TDO2: variants seen among roughly 807,000 people sequenced by gnomAD.
The protein encoded by TDO2 is tryptamin 2,3-dioxygenase.
Under a neutral mutation model 61.2 loss-of-function variants are expected in TDO2, and 63 were observed. The ratio of observed to expected loss-of-function variants is 1.03; its 90% CI spans 0.84 to 1.27. The LOEUF is 1.27. Ranked by LOEUF, TDO2 falls within the 50% of genes most tolerant of loss-of-function variation. The pLI is 0.00. For synonymous variants in TDO2, 183 were observed against 164.0 expected, an observed-to-expected ratio of 1.12 and a Z score of -0.89; for missense variants, 494 against 469.5, an observed-to-expected ratio of 1.05 and a Z score of -0.48.
Position 155,911,482 on chromosome 4 carries a change from T to C in TDO2, c.619-15T>C. The C allele has an allele frequency of 6.3e-7, 1 of 1,593,268 alleles. No individual in the cohort carries two copies. The highest frequency in any genetic ancestry group is 8.6e-7 in the Non-Finnish European group (1 of 1,165,850). On this transcript the variant is annotated splice_polypyrimidine_tract_variant and intron_variant, in intron 6 of 11. Transcript: ENST00000536354. ...TTTTACCATGTACTCACTTAAAAAA[T>C]AATGTTTATTTAAGGCATGGCTGGA...
intron 7 of TDO2, among the ~76,000 whole-genome samples, 193 bp downstream of exon 7, chr4:155,911,797 CCTT>C (rs1374184021): frequency 6.6e-6 from 1 of 151,882 alleles, no homozygotes; most frequent in East Asian, 1.9e-4. Flanking sequence ...TAAAATAAGA[CCTT>C]CATTGCACGG....
At chr4:155,906,334 A>T (rs1742718875) in intron 3 of TDO2, 1 of 152,194 alleles carries the variant, frequency 6.6e-6, no homozygotes, top group Non-Finnish European at 1.5e-5. Flanking sequence ...CATAGGGTTA[A>T]AAAAGATATA....
intron 9 of TDO2, among the ~76,000 whole-genome samples, chr4:155,916,445 A>G (rs1742938869): frequency 7.2e-4 from 1 of 1,382 alleles, no homozygotes. Context: ...TGGGATTACA[A>G]GCGTCTAAAA....
At position 155,914,386 on chromosome 4, in the gene TDO2, C is replaced by T. The variant is rs746198903; in HGVS notation, c.790C>T (p.Leu264=). 6 of 1,606,518 alleles carry T rather than the reference C, an allele frequency of 3.7e-6. No individual in the cohort carries two copies. In the Admixed American group the frequency reaches 1.0e-4, roughly 28 times the overall value. The part of the protein sequence containing the change: ...VAEFQKQKEV[L]LSLFDEKRHE... ...TGAATTTCAGAAGCAAAAAGAGGTG[C>T]TACTGTCCTTATTTGATGAGAAACG... The change falls in exon 8 of 12, where the codon CTA becomes TTA. Residue 264 remains leucine, a synonymous_variant. Transcript: ENST00000536354.
intron 9 of TDO2, 57 bp downstream of exon 9, chr4:155,915,969 A>G: frequency 7.0e-7 from 1 of 1,433,968 alleles, no homozygotes; most frequent in Middle Eastern, 1.8e-4. Flanking sequence ...TATGGATAAC[A>G]TGTCCAGTAT....
At chr4:155,906,454 G>A (rs907544092) in intron 3 of TDO2, 4 of 152,100 alleles carry the variant, frequency 2.6e-5, no homozygotes, top group African/African-American at 9.7e-5. Flanking sequence ...CTCTTAATTA[G>A]TATGGAAACA....
intron 8 of TDO2, among the ~76,000 whole-genome samples, chr4:155,915,341 A>G (rs1037248719): frequency 6.6e-6 from 1 of 152,222 alleles, no homozygotes; most frequent in Non-Finnish European, 1.5e-5. Context: ...TCTAAAAAAA[A>G]CAAATCTCAG....
At position 155,911,553 on chromosome 4, in the gene TDO2, G is replaced by A. The variant is rs1177583791; in HGVS notation, c.675G>A (p.Lys225=). ...LEPHGFNFWG[K]LEKNITRGLE... The stretch of plus-strand genomic sequence containing the variant: ...CACATGGATTTAACTTCTGGGGAAA[G>A]CTTGAAAAAAATATCACCAGAGGCC... Residue 225 remains lysine (K), a synonymous_variant, in exon 7 of 12, where the codon AAG becomes AAA. Coordinates refer to ENST00000536354, the MANE Select transcript of TDO2 (RefSeq NM_005651.4). 6.2e-7 allele frequency: 1 copy of A among 1,600,322 alleles called. No individual in the cohort carries two copies. The highest frequency in any genetic ancestry group is 1.7e-5 in the Admixed American group (1 of 58,606).
At chr4:155,915,437 C>T (rs191292987) in intron 8 of TDO2, among the ~76,000 whole-genome samples, 3 of 152,186 alleles carry the variant, frequency 2.0e-5, no homozygotes, top group Admixed American at 2.0e-4. Flanking sequence ...TAATTGTGCT[C>T]ATTAAAAACA....
In TDO2 at chr4:155,914,259, G is replaced by A. The variant is rs1041493868; in HGVS notation, c.727-64G>A. ...CATAAGTCTTTTCCTCATAAGCAAA[G>A]TTTTCTAAAATATCAATCTACTTAT... On this transcript the variant is annotated intron_variant, in intron 7 of 11. Transcript: ENST00000536354. The A allele has an allele frequency of 1.2e-5, 16 of 1,286,698 alleles. No individual in the cohort carries two copies. The African/African-American group carries it at 1.4e-4, about 11-fold the overall frequency. The allele number at this position is 1,286,698 out of a possible 1,614,324, so 79.7% of individuals were successfully genotyped here. A position where few individuals can be genotyped will look rare whatever the true frequency, so the allele number is the denominator to read the frequency against.
chr4:155,911,573 G>A lies in TDO2; in HGVS notation c.695G>A (p.Arg232Lys). Residue 232 changes from arginine (R) to lysine (K), a missense_variant, in exon 7 of 12, where the codon AGA becomes AAA. Physicochemically the swap from Arg to Lys is conservative, Grantham distance 26. Transcript: ENST00000536354. ...GGAAAGCTTGAAAAAAATATCACCA[G>A]AGGCCTGGAAGAGGAATTCATAAGG... ...FWGKLEKNITRGLEEEFIRIQ... is the reference protein window; with the variant it reads ...FWGKLEKNITKGLEEEFIRIQ... 6.3e-7 allele frequency: 1 copy of A among 1,591,142 alleles called. No individual in the cohort carries two copies. The highest frequency in any genetic ancestry group is 8.6e-7 in the Non-Finnish European group (1 of 1,167,188).
chr4:155,916,856 T>A (rs1167562016), intron 9 of TDO2, among the ~76,000 whole-genome samples: 1 of 152,200 alleles, frequency 6.6e-6, no homozygotes, highest in Admixed American at 6.5e-5. Flanking sequence ...ATAAACAAAA[T>A]CTTTTGACTT....
In TDO2 at chr4:155,904,059, A is replaced by G; in HGVS notation, c.77A>G (p.Asp26Gly). The change falls in exon 2 of 12, where the codon GAC becomes GGC. Residue 26 changes from aspartate (D) to glycine (G), a missense_variant. Coordinates refer to ENST00000536354, the MANE Select transcript of TDO2 (RefSeq NM_005651.4). ...KKLPVEGSEE[D>G]KSQTGVNRAS... ...CTCCCCGTAGAAGGCAGCGAAGAAG[A>G]CAAATCACAAACTGGTGTGAATAGA... The G allele has an allele frequency of 6.2e-7, 1 of 1,614,140 alleles. No homozygotes were observed. The highest frequency in any genetic ancestry group is 2.2e-5 in the East Asian group (1 of 44,866).
chr4:155,913,275 T>C (rs1257455353), intron 7 of TDO2, among the ~76,000 whole-genome samples: 1 of 152,120 alleles, frequency 6.6e-6, no homozygotes, highest in African/African-American at 2.4e-5. Flanking sequence ...AAAATTAACC[T>C]GGTCTATAAG....
chr4:155,910,036 C>A lies in TDO2; in HGVS notation c.443C>A (p.Ser148Tyr). 2 of 1,556,228 alleles carry A rather than the reference C, an allele frequency of 1.3e-6. No individual in the cohort carries two copies. The highest frequency in any genetic ancestry group is 1.2e-5 in the South Asian group (1 of 83,950). Reference protein sequence around the residue: ...LDFNDFREYLSPASGFQSLQF... With the variant: ...LDFNDFREYLYPASGFQSLQF... ...ATTTAATCTCAAAGAGAGTACTTAT[C>A]TCCAGCATCAGGCTTCCAGAGTTTG... The change falls in exon 6 of 12, where the codon TCT becomes TAT. Residue 148 changes from serine (S) to tyrosine (Y), a missense_variant. By Grantham distance (144) the Ser-to-Tyr change is moderately radical (BLOSUM62 -2). Coordinates refer to ENST00000536354, the MANE Select transcript of TDO2 (RefSeq NM_005651.4).
chr4:155,918,474 G>A (rs755516441), intron 11 of TDO2, among the ~76,000 whole-genome samples: 8 of 152,182 alleles, frequency 5.3e-5, no homozygotes, highest in Non-Finnish European at 8.8e-5. Flanking sequence ...ATCAATGGCT[G>A]CATGATATGT....
At chr4:155,903,992 T>C in intron 1 of TDO2, 26 bp from the exon 2 acceptor site, 1 of 1,596,698 alleles carries the variant, frequency 6.3e-7, no homozygotes, top group Non-Finnish European at 8.6e-7. Flanking sequence ...GCACTATTTT[T>C]CCCTCTTGAT....
intron 9 of TDO2, 22 bp downstream of exon 9, chr4:155,915,934 A>T: frequency 6.3e-7 from 1 of 1,597,626 alleles, no homozygotes; most frequent in Non-Finnish European, 8.5e-7. Context: ...CCGAAGAGAG[A>T]CTGAAGTTAA....
At position 155,909,017 on chromosome 4, in the gene TDO2, G is replaced by A. The variant is rs972901154; in HGVS notation, c.431+3G>A. ...GCCTTGGACTTCAATGACTTCAGGT[G>A]TGCACATTTGGCATTTTAAAAAATG... On this transcript the variant is annotated splice_donor_region_variant and intron_variant, in intron 5 of 11. Transcript: ENST00000536354. The A allele has an allele frequency of 3.8e-6, 6 of 1,594,006 alleles. No homozygotes were observed. In the South Asian group the frequency reaches 6.8e-5, roughly 18 times the overall value.
Sources: gnomAD v4.1 joint callset for allele counts (sites outside exome capture counted in the v4.1 genomes callset) on GRCh38, gnomAD v4.1.1 for gene constraint, MANE v1.5 for transcripts, NCBI Gene and HGNC (gene_info 2026-07-23, HGNC 2026-07-21) for gene names.